The following NRBF2 variants were observed in gnomAD, a reference collection of about 807,000 sequenced individuals.
The protein encoded by NRBF2 is nuclear receptor-binding factor 2.
A neutral mutation model predicts 28.5 loss-of-function variants in NRBF2; 12 were observed. That is an observed-to-expected ratio of 0.42 (90% confidence interval 0.27 to 0.68). NRBF2 has a LOEUF of 0.68. NRBF2 is among the 30% of genes least tolerant of loss of function. The pLI, the probability that NRBF2 is intolerant of heterozygous loss-of-function variation, is 0.24. For missense variants in NRBF2, 274 were observed against 333.5 expected, an observed-to-expected ratio of 0.82 and a Z score of 1.39; for synonymous variants, 102 against 116.5, an observed-to-expected ratio of 0.88 and a Z score of 0.80.
chr10:63,153,430 A>G lies in NRBF2; in HGVS notation c.157-81A>G, dbSNP rs184536038. The G allele has an allele frequency of 2.2e-5, 24 of 1,068,700 alleles. 1 individual carries two copies. The East Asian group carries it at 5.9e-4, about 26-fold the overall frequency. The allele number at this position is 1,068,700 out of a possible 1,614,324, so 66.2% of individuals were successfully genotyped here. A position where few individuals can be genotyped will look rare whatever the true frequency, so the allele number is the denominator to read the frequency against. ...ATTGTAAGTGTTGGGTTATTCACAAAGGATTTTGAATAGTGTATGTTGGAC... is the reference window on the plus strand; with the variant it reads ...ATTGTAAGTGTTGGGTTATTCACAAGGGATTTTGAATAGTGTATGTTGGAC... On this transcript the variant is annotated intron_variant, in intron 3 of 3. Coordinates refer to ENST00000277746, the MANE Select transcript of NRBF2 (RefSeq NM_030759.5).
chr10:63,141,916 T>C (rs1236278896), intron 1 of NRBF2, among the ~76,000 whole-genome samples: 1 of 152,214 alleles, frequency 6.6e-6, no homozygotes, highest in Non-Finnish European at 1.5e-5. Context: ...TCTGAAACTA[T>C]AATGAGATTT....
chr10:63,151,156 A>G (rs146034824), intron 2 of NRBF2, among the ~76,000 whole-genome samples: 2 of 152,362 alleles, frequency 1.3e-5, no homozygotes, highest in Non-Finnish European at 2.9e-5. Flanking sequence ...ACATCAAAGC[A>G]TTAAATTATT....
chr10:63,145,169 A>G (rs1203424215), intron 1 of NRBF2, among the ~76,000 whole-genome samples: 1 of 132,220 alleles, frequency 7.6e-6, no homozygotes, highest in Non-Finnish European at 1.5e-5. Context: ...GAGCAATGGC[A>G]TGATCTTGCC....
In NRBF2 at chr10:63,153,511, G is replaced by A. The variant is rs1330055637; in HGVS notation, c.157G>A (p.Ala53Thr). The A allele has an allele frequency of 1.3e-5, 21 of 1,600,488 alleles. No homozygotes were observed. The highest frequency in any genetic ancestry group is 1.7e-5 in the Non-Finnish European group (20 of 1,173,418). Residue 53 changes from alanine to threonine, a missense_variant and splice_region_variant, in exon 4 of 4, where the codon GCT becomes ACT. Coordinates refer to ENST00000277746, the MANE Select transcript of NRBF2 (RefSeq NM_030759.5). ...TTTTATCTTTCCTTCTATGTAATAG[G>A]CTCATCTTTCACTGGAATTGCAAAG... ...EAMKLTQSEQ[A>T]HLSLELQRDS...
Position 63,152,861 on chromosome 10 carries a change from G to T in NRBF2, c.157-650G>T, listed in dbSNP as rs1198715443. Among the ~76,000 whole-genome samples, 4 of 152,312 alleles carry T rather than the reference G, an allele frequency of 2.6e-5. No individual in the cohort carries two copies. The East Asian group carries it at 7.7e-4, about 29-fold the overall frequency. On this transcript the variant is annotated intron_variant, in intron 3 of 3. Coordinates refer to ENST00000277746, the MANE Select transcript of NRBF2 (RefSeq NM_030759.5). ...AAACTTAAAAAATTAGCTGGGCGTG[G>T]TGGCACATGCCTGTAGTTCTAGCTA...
intron 1 of NRBF2, among the ~76,000 whole-genome samples, chr10:63,144,498 T>C (rs1006929432): frequency 6.6e-6 from 1 of 150,470 alleles, no homozygotes; most frequent in Non-Finnish European, 1.5e-5. Flanking sequence ...CACTGCAAGC[T>C]CTGCCTTCCG....
chr10:63,135,959 T>G (rs1345588144), intron 1 of NRBF2, among the ~76,000 whole-genome samples: 1 of 152,150 alleles, frequency 6.6e-6, no homozygotes, highest in Non-Finnish European at 1.5e-5. Flanking sequence ...CTTGAATTCT[T>G]AAACCATTTG....
intron 3 of NRBF2, among the ~76,000 whole-genome samples, chr10:63,153,284 G>A (rs1841677499): frequency 6.6e-6 from 1 of 152,150 alleles, no homozygotes; most frequent in Admixed American, 6.5e-5. Flanking sequence ...CTAATTTTGA[G>A]TACAAATGAC....
chr10:63,133,738 C>T (rs1000520015), intron 1 of NRBF2, among the ~76,000 whole-genome samples: 2 of 152,286 alleles, frequency 1.3e-5, no homozygotes, highest in African/African-American at 4.8e-5. Flanking sequence ...TGTCGCGGGG[C>T]CCCGGGCGAG....
At chr10:63,141,513 G>T (rs1841467220) in intron 1 of NRBF2, among the ~76,000 whole-genome samples, 1 of 152,198 alleles carries the variant, frequency 6.6e-6, no homozygotes, top group Admixed American at 6.5e-5. Context: ...CTTGATGGCA[G>T]GTACTTCCAT....
chr10:63,152,682 C>T (rs1470934506), intron 3 of NRBF2, among the ~76,000 whole-genome samples: 2 of 152,294 alleles, frequency 1.3e-5, no homozygotes, highest in South Asian at 4.1e-4. Context: ...TGGGGAGGCC[C>T]TGCCAAGTGT....
intron 1 of NRBF2, among the ~76,000 whole-genome samples, chr10:63,140,816 T>G (rs1451880748): frequency 2.0e-5 from 3 of 151,832 alleles, no homozygotes; most frequent in Non-Finnish European, 4.4e-5. Flanking sequence ...TTCTCCTGCC[T>G]CAGCCTCCCG....
At chr10:63,133,615 G>A (rs1841323236) in intron 1 of NRBF2, 115 bp downstream of exon 1, 2 of 794,142 alleles carry the variant, frequency 2.5e-6, no homozygotes, top group African/African-American at 3.5e-5. Context: ...TGGCAGGAGT[G>A]GTCGCAGAGG....
intron 1 of NRBF2, among the ~76,000 whole-genome samples, chr10:63,138,675 C>T (rs1359916935): frequency 6.8e-6 from 1 of 146,386 alleles, no homozygotes; most frequent in African/African-American, 2.5e-5. Flanking sequence ...ACCCGGGAGG[C>T]AGAGCTTGCA....
Position 63,153,692 on chromosome 10 carries a change from G to A in NRBF2, c.338G>A (p.Ser113Asn), listed in dbSNP as rs1841684877. The A allele has an allele frequency of 2.5e-6, 4 of 1,612,072 alleles. No homozygotes were observed. The highest frequency in any genetic ancestry group is 1.3e-5 in the African/African-American group (1 of 74,826). The change falls in exon 4 of 4, where the codon AGT (serine) becomes AAT (asparagine). Residue 113 changes from serine to asparagine, a missense_variant. Transcript: ENST00000277746. ...KPSAEDAEGQ[S>N]PLSQKYSPST... is the part of the protein sequence containing the mutation. ...TCTGCAGAGGATGCAGAGGGCCAGA[G>A]TCCCCTTTCTCAGAAGTACAGCCCT...
intron 2 of NRBF2, among the ~76,000 whole-genome samples, chr10:63,149,166 A>G (rs1033835898): frequency 6.6e-6 from 1 of 152,216 alleles, no homozygotes; most frequent in Admixed American, 6.5e-5. Flanking sequence ...TCTGTTGCTC[A>G]GGGTGGAGTG....
At chr10:63,145,256 C>T (rs570114029) in intron 1 of NRBF2, among the ~76,000 whole-genome samples, 10 of 151,880 alleles carry the variant, frequency 6.6e-5, no homozygotes, top group South Asian at 2.1e-4. Flanking sequence ...TACAGGCGCC[C>T]GCAGAGACGG....
intron 1 of NRBF2, among the ~76,000 whole-genome samples, chr10:63,138,441 G>A (rs1296807415): frequency 6.6e-6 from 1 of 150,578 alleles, no homozygotes; most frequent in Non-Finnish European, 1.5e-5. Context: ...CCAAGCTCAC[G>A]CCACTGCACT....
In NRBF2 at chr10:63,153,604, T is replaced by G; in HGVS notation, c.250T>G (p.Leu84Val). 1 of 1,611,868 alleles carries G rather than the reference T, an allele frequency of 6.2e-7. No individual in the cohort carries two copies. The highest frequency in any genetic ancestry group is 1.1e-5 in the South Asian group (1 of 90,968). Residue 84 changes from leucine to valine, a missense_variant, in exon 4 of 4, where the codon TTG becomes GTG. Coordinates refer to ENST00000277746, the MANE Select transcript of NRBF2 (RefSeq NM_030759.5). ...RWKRAQREER[L>V]KAQQNTDKDA... ...GAAAAGGGCCCAGCGTGAAGAAAGA[T>G]TGAAAGCCCAGCAGAACACAGACAA...
Sources: gnomAD v4.1 joint callset for allele counts (sites outside exome capture counted in the v4.1 genomes callset) on GRCh38, gnomAD v4.1.1 for gene constraint, MANE v1.5 for transcripts, NCBI Gene and HGNC (gene_info 2026-07-23, HGNC 2026-07-21) for gene names.